The following EGFLAM variants were observed in gnomAD, a reference collection of about 807,000 sequenced individuals.
EGFLAM encodes EGF like, fibronectin type III and laminin G domains.
In EGFLAM, 79 loss-of-function variants were observed where a neutral mutation model predicts 113.1. The ratio of observed to expected loss-of-function variants is 0.70; its 90% CI spans 0.58 to 0.84. The LOEUF (loss-of-function observed/expected upper bound fraction) is 0.84, where lower values mean the gene tolerates loss of function less well. Ranked by LOEUF, EGFLAM falls within the 40% of genes least tolerant of loss-of-function variation. EGFLAM has a pLI of 0.00. For synonymous variants in EGFLAM, 504 were observed against 487.6 expected (o/e 1.03, Z -0.44); for missense variants, 1,265 against 1,291.6 (o/e 0.98, Z 0.32).
In EGFLAM at chr5:38,403,960, A is replaced by C. The variant is rs1741197332; in HGVS notation, c.713-2166A>C. On this transcript the variant is annotated intron_variant, in intron 6 of 21. Coordinates refer to ENST00000322350, the MANE Select transcript of EGFLAM (RefSeq NM_152403.4). The stretch of plus-strand genomic sequence containing the variant: ...GGACTACTTTAAATAAAACTGGGGA[A>C]TTGGTGTGGAAGGGATGAGAACACC... 13 of 1,611,444 alleles carry C rather than the reference A, an allele frequency of 8.1e-6. No homozygotes were observed. The South Asian group carries it at 1.1e-4, about 14-fold the overall frequency.
At chr5:38,395,361 A>T (rs1740932645) in intron 6 of EGFLAM, among the ~76,000 whole-genome samples, 1 of 150,580 alleles carries the variant, frequency 6.6e-6, no homozygotes, top group East Asian at 1.9e-4. Context: ...CTCCTGCCTC[A>T]GCTCCCCCAC....
intron 18 of EGFLAM, among the ~76,000 whole-genome samples, chr5:38,449,643 A>G (rs1322084756): frequency 1.3e-5 from 2 of 151,824 alleles, no homozygotes; most frequent in Admixed American, 6.6e-5. Flanking sequence ...CTCAAGGGCC[A>G]TAGTGTGTGT....
chr5:38,441,872 T>G (rs1742546405), intron 17 of EGFLAM, among the ~76,000 whole-genome samples: 1 of 152,096 alleles, frequency 6.6e-6, no homozygotes, highest in Admixed American at 6.5e-5. Flanking sequence ...CAGCTTCAAT[T>G]CAGACTGTGC....
At chr5:38,343,057 G>A (rs1053003123) in intron 3 of EGFLAM, among the ~76,000 whole-genome samples, 1 of 152,154 alleles carries the variant, frequency 6.6e-6, no homozygotes, top group Non-Finnish European at 1.5e-5. Flanking sequence ...TCAGAGCAAG[G>A]GTGACCAGGG....
chr5:38,262,693 T>C (rs1757530245), intron 1 of EGFLAM, among the ~76,000 whole-genome samples: 1 of 152,232 alleles, frequency 6.6e-6, no homozygotes, highest in Admixed American at 6.5e-5. Context: ...GTGCGTTGGA[T>C]GGACCATGGA....
intron 12 of EGFLAM, among the ~76,000 whole-genome samples, chr5:38,423,524 C>T (rs949633480): frequency 6.6e-6 from 1 of 152,168 alleles, no homozygotes; most frequent in Non-Finnish European, 1.5e-5. Flanking sequence ...ATACAAGGAT[C>T]CCGCTTCTTC....
At chr5:38,382,883 G>C (rs539100951) in intron 6 of EGFLAM, among the ~76,000 whole-genome samples, 47 of 152,268 alleles carry the variant, frequency 3.1e-4, no homozygotes, top group Admixed American at 7.2e-4. Flanking sequence ...ATTTTAAAAT[G>C]TGATTGTGTC....
chr5:38,427,134 G>A lies in EGFLAM; in HGVS notation c.1936G>A (p.Gly646Arg). Residue 646 changes from glycine to arginine, a missense_variant, in exon 14 of 22, where the codon GGA becomes AGA. Transcript: ENST00000322350. ...TGAGATCACATTTCGGCCAGACTCA[G>A]GAGATGGTGTCCTCCTGTACAGCTA... ...EFEITFRPDS[G>R]DGVLLYSYDT... 6.2e-7 allele frequency: 1 copy of A among 1,614,126 alleles called. No individual in the cohort carries two copies. Among genetic ancestry groups the A allele is most frequent in the Non-Finnish European group, 8.5e-7 (1 of 1,180,024 alleles).
chr5:38,340,405 C>T (rs1337503428), intron 3 of EGFLAM, among the ~76,000 whole-genome samples: 1 of 152,186 alleles, frequency 6.6e-6, no homozygotes, highest in African/African-American at 2.4e-5. Flanking sequence ...TCTCCATTAT[C>T]AACATCTAGG....
intron 1 of EGFLAM, among the ~76,000 whole-genome samples, chr5:38,336,379 T>C (rs572806069): frequency 1.3e-5 from 2 of 152,262 alleles, no homozygotes; most frequent in South Asian, 4.1e-4. Context: ...CGAGACCATC[T>C]TGGCTAACAC....
chr5:38,440,671 A>G (rs970512683), intron 17 of EGFLAM, among the ~76,000 whole-genome samples: 9 of 152,178 alleles, frequency 5.9e-5, no homozygotes, highest in African/African-American at 1.9e-4. Context: ...TTTTAGCCTC[A>G]TATATTTAAA....
In EGFLAM at chr5:38,451,302, G is replaced by T. The variant is rs769664130; in HGVS notation, c.2544-13G>T. ...TGGTTGATTTGGTGGACTTATTTGT[G>T]TATTTCCTCCAGGGTGTCAGGATCA... On this transcript the variant is annotated splice_polypyrimidine_tract_variant and intron_variant, in intron 18 of 21. Transcript: ENST00000322350. The T allele has an allele frequency of 1.2e-6, 2 of 1,609,666 alleles. No homozygotes were observed. Among genetic ancestry groups the T allele is most frequent in the South Asian group, 2.2e-5 (2 of 90,496 alleles).
chr5:38,436,534 A>T (rs1742356793), intron 16 of EGFLAM, among the ~76,000 whole-genome samples: 1 of 152,108 alleles, frequency 6.6e-6, no homozygotes, highest in Non-Finnish European at 1.5e-5. Context: ...AGTTCAGACC[A>T]TTCTCCCCTA....
chr5:38,261,253 C>G (rs1757492760), intron 1 of EGFLAM, among the ~76,000 whole-genome samples: 1 of 152,182 alleles, frequency 6.6e-6, no homozygotes. Flanking sequence ...GATAGCTCAT[C>G]TTTTGACATT....
intron 1 of EGFLAM, among the ~76,000 whole-genome samples, chr5:38,286,815 T>G (rs902715613): frequency 6.6e-6 from 1 of 152,228 alleles, no homozygotes; most frequent in African/African-American, 2.4e-5. Context: ...CACTCCTGAA[T>G]AGCGACTTTG....
At chr5:38,442,371 T>A (rs1042426068) in intron 17 of EGFLAM, among the ~76,000 whole-genome samples, 1 of 147,806 alleles carries the variant, frequency 6.8e-6, no homozygotes, top group African/African-American at 2.5e-5. Flanking sequence ...TAACATAATA[T>A]GTTAATATTT....
chr5:38,374,104 T>G (rs1370289100), intron 6 of EGFLAM, among the ~76,000 whole-genome samples: 1 of 152,222 alleles, frequency 6.6e-6, no homozygotes, highest in African/African-American at 2.4e-5. Flanking sequence ...GGTTTTAATT[T>G]GCATTTCTCT....
chr5:38,303,517 C>G (rs1463246422), intron 1 of EGFLAM, among the ~76,000 whole-genome samples: 1 of 152,120 alleles, frequency 6.6e-6, no homozygotes, highest in Non-Finnish European at 1.5e-5. Flanking sequence ...GCTGAGAGAG[C>G]TAGGCAAGTC....
At chr5:38,423,065 A>T (rs1333177264) in intron 12 of EGFLAM, among the ~76,000 whole-genome samples, 1 of 152,136 alleles carries the variant, frequency 6.6e-6, no homozygotes, top group African/African-American at 2.4e-5. Flanking sequence ...CCTTAGACTT[A>T]AATCCAACCA....
Sources: allele counts gnomAD v4.1 joint callset (sites outside exome capture counted in the v4.1 genomes callset), GRCh38; gene constraint gnomAD v4.1.1; transcripts MANE v1.5; gene names NCBI Gene and HGNC (gene_info 2026-07-23, HGNC 2026-07-21).